Variants in AOAH observed in about 807,000 individuals in gnomAD.
AOAH encodes acyloxyacyl hydrolase.
A neutral mutation model predicts 92.2 loss-of-function variants in AOAH; 64 were observed. The ratio of observed to expected loss-of-function variants is 0.69; its 90% CI spans 0.57 to 0.86. The LOEUF (loss-of-function observed/expected upper bound fraction) is 0.86, where lower values mean the gene tolerates loss of function less well. Among genes scored for constraint, AOAH ranks in the 40% least tolerant of loss-of-function variants. The pLI is 0.00. For synonymous variants in AOAH, 263 were observed against 254.5 expected, an observed-to-expected ratio of 1.03 and a Z score of -0.32; for missense variants, 656 against 694.6, an observed-to-expected ratio of 0.94 and a Z score of 0.62.
At chr7:36,697,725 T>C (rs1311548831) in intron 1 of AOAH, among the ~76,000 whole-genome samples, 2 of 152,182 alleles carry the variant, frequency 1.3e-5, no homozygotes, top group African/African-American at 4.8e-5. Context: ...ATGTGCTTTA[T>C]ATAAAATAGG....
chr7:36,555,534 T>G (rs1182493155), intron 13 of AOAH, among the ~76,000 whole-genome samples: 1 of 152,144 alleles, frequency 6.6e-6, no homozygotes, highest in East Asian at 1.9e-4. Context: ...CTTTTTCTAT[T>G]GATTGGAATA....
Position 36,532,268 on chromosome 7 carries a change from A to G in AOAH, c.1365+18T>C, listed in dbSNP as rs758877512. The G allele has an allele frequency of 6.2e-6, 10 of 1,614,184 alleles. No homozygotes were observed. Among genetic ancestry groups the G allele is most frequent in the Non-Finnish European group, 6.8e-6 (8 of 1,180,014 alleles). On this transcript the variant is annotated intron_variant, in intron 17 of 20. Transcript: ENST00000617537. Reference sequence around the variant, plus strand: ...AGGGTAGGTAAGCGGGCCTTGAAGCAAGCCAGTGAGTGCTCACCTGGAGGC... The same window carrying G: ...AGGGTAGGTAAGCGGGCCTTGAAGCGAGCCAGTGAGTGCTCACCTGGAGGC...
rs1018468428 is a variant in AOAH, at chr7:36,513,757, G to A, written c.1600-377C>T. Among the ~76,000 whole-genome samples the A allele has an allele frequency of 5.3e-5, 8 of 152,258 alleles. No individual in the cohort carries two copies. In the South Asian group the frequency reaches 8.3e-4, roughly 16 times the overall value. On this transcript the variant is annotated intron_variant, in intron 20 of 20. Coordinates refer to ENST00000617537, the MANE Select transcript of AOAH (RefSeq NM_001637.4). The stretch of plus-strand genomic sequence containing the variant: ...GGGAATGAATCTGCCAACAGCCTGA[G>A]TGAGTTTGAAAGCAGTTCTTCCCCA...
intron 15 of AOAH, among the ~76,000 whole-genome samples, chr7:36,547,664 C>T (rs2116294886): frequency 6.6e-6 from 1 of 152,102 alleles, no homozygotes; most frequent in East Asian, 1.9e-4. Context: ...AATCCTGTCT[C>T]ACCATTTTTT....
At chr7:36,549,766 C>T (rs1786063520) in intron 13 of AOAH, among the ~76,000 whole-genome samples, 1 of 152,120 alleles carries the variant, frequency 6.6e-6, no homozygotes, top group Admixed American at 6.6e-5. Flanking sequence ...AGTAAATCTT[C>T]TAGTAGATGT....
chr7:36,631,350 C>CA (rs149488709), intron 6 of AOAH, among the ~76,000 whole-genome samples: 22,394 of 131,396 alleles, frequency 0.17, 2,144 homozygotes, highest in East Asian at 0.46. Context: ...TCCATCATCT[C>CA]AAAAAAAAAA....
Position 36,543,799 on chromosome 7 carries a change from CA to C in AOAH, c.1134-3309del, listed in dbSNP as rs1450154535. 2.0e-5 allele frequency among the ~76,000 whole-genome samples: 3 copies of C among 152,202 alleles called. No homozygotes were observed. The East Asian group carries it at 5.8e-4, about 29-fold the overall frequency. On this transcript the variant is annotated intron_variant, in intron 15 of 20. Transcript: ENST00000617537. ...CATAATTTACTTTTAATTTGCATAG[CA>C]AAATCAACCAACTCTTAGCTCAGGT...
intron 18 of AOAH, 56 bp downstream of exon 18, chr7:36,532,091 C>G (rs117303607): frequency 6.3e-7 from 1 of 1,598,514 alleles, no homozygotes; most frequent in East Asian, 2.2e-5. Flanking sequence ...AACTCTGCAG[C>G]AAACACAGGG....
chr7:36,515,386 C>T (rs1268919831), intron 20 of AOAH, among the ~76,000 whole-genome samples: 6 of 123,900 alleles, frequency 4.8e-5, no homozygotes, highest in Non-Finnish European at 6.9e-5. Context: ...CCACACCCCT[C>T]ACAACCCCAC....
At chr7:36,648,852 TTC>T (rs1284172134) in intron 4 of AOAH, among the ~76,000 whole-genome samples, 3 of 152,202 alleles carry the variant, frequency 2.0e-5, no homozygotes, top group Non-Finnish European at 2.9e-5. Flanking sequence ...TAAGCTGACT[TTC>T]TGTGTCTAGA....
Position 36,696,599 on chromosome 7 carries a change from C to T in AOAH, c.128-9805G>A, listed in dbSNP as rs796987936. Among the ~76,000 whole-genome samples the T allele has an allele frequency of 1.2e-4, 18 of 152,246 alleles. 1 individual carries two copies. Among genetic ancestry groups the T allele is most frequent in the South Asian group, 4.1e-4 (2 of 4,828 alleles). ...AAATCAAGCCAGGCGCATTGGCTCA[C>T]GCCTGCAATCCCAGCACTTTGGGAG... On this transcript the variant is annotated intron_variant, in intron 1 of 20. Coordinates refer to ENST00000617537, the MANE Select transcript of AOAH (RefSeq NM_001637.4).
At chr7:36,632,242 T>A (rs1470291835) in intron 5 of AOAH, 136 bp from the exon 6 acceptor site, 1 of 699,844 alleles carries the variant, frequency 1.4e-6, no homozygotes, top group Non-Finnish European at 2.4e-6. Context: ...CTCTCTAAAT[T>A]TACCTCTTGT....
chr7:36,625,946 A>G (rs112929360), intron 6 of AOAH, among the ~76,000 whole-genome samples: 2,864 of 152,292 alleles, frequency 0.019, 53 homozygotes, highest in African/African-American at 0.044. Flanking sequence ...CACTTTAATC[A>G]TCTGTCAAGA....
At chr7:36,568,585 T>C (rs1239063273) in intron 13 of AOAH, among the ~76,000 whole-genome samples, 2 of 152,078 alleles carry the variant, frequency 1.3e-5, no homozygotes, top group Admixed American at 1.3e-4. Context: ...CCAGAGGGAG[T>C]ACTGAGCTGT....
At chr7:36,518,314 A>G (rs1000164725) in intron 20 of AOAH, among the ~76,000 whole-genome samples, 3 of 151,960 alleles carry the variant, frequency 2.0e-5, no homozygotes, top group Non-Finnish European at 4.4e-5. Flanking sequence ...AGTTCAAGCA[A>G]TTCTCCTGTC....
At chr7:36,524,390 T>TAATC (rs1784276231) in intron 19 of AOAH, among the ~76,000 whole-genome samples, 5 of 151,584 alleles carry the variant, frequency 3.3e-5, no homozygotes, top group Admixed American at 3.3e-4. Flanking sequence ...CTCACACCTG[T>TAATC]AATCCCAGCA....
intron 3 of AOAH, among the ~76,000 whole-genome samples, chr7:36,666,379 A>T (rs1795534059): frequency 6.6e-6 from 1 of 151,870 alleles, no homozygotes; most frequent in African/African-American, 2.4e-5. Flanking sequence ...TATCTGTGGG[A>T]TTTGTAGTGA....
chr7:36,651,525 T>C (rs1462166701), intron 4 of AOAH, among the ~76,000 whole-genome samples: 1 of 152,224 alleles, frequency 6.6e-6, no homozygotes, highest in African/African-American at 2.4e-5. Context: ...TGTCAGTGGT[T>C]TCATTGTTAC....
At chr7:36,663,540 G>C (rs1458429460) in intron 3 of AOAH, among the ~76,000 whole-genome samples, 1 of 152,146 alleles carries the variant, frequency 6.6e-6, no homozygotes, top group Non-Finnish European at 1.5e-5. Flanking sequence ...GCCTTTTCCA[G>C]GATGTCATAT....
Sources: allele counts gnomAD v4.1 joint callset (sites outside exome capture counted in the v4.1 genomes callset), GRCh38; gene constraint gnomAD v4.1.1; transcripts MANE v1.5; gene names NCBI Gene and HGNC (gene_info 2026-07-23, HGNC 2026-07-21).